Variants in ADGRV1 observed in about 807,000 individuals in gnomAD.
ADGRV1 encodes adhesion G protein-coupled receptor V1.
ADGRV1 carries 359 observed loss-of-function variants against 596.2 expected under a neutral mutation model. The ratio of observed to expected loss-of-function variants is 0.60; its 90% confidence interval spans 0.55 to 0.66. The LOEUF (loss-of-function observed/expected upper bound fraction) is 0.66, where lower values mean the gene tolerates loss of function less well. ADGRV1 is among the 30% of genes least tolerant of loss of function. The pLI is 0.00. For missense variants in ADGRV1, 7,274 were observed against 7,575.6 expected, an observed-to-expected ratio of 0.96 and a Z score of 1.48; for synonymous variants, 2,681 against 2,679.2, an observed-to-expected ratio of 1.00 and a Z score of -0.02.
At chr5:91,021,039 A>G (rs1321698293) in intron 85 of ADGRV1, among the ~76,000 whole-genome samples, 1 of 152,034 alleles carries the variant, frequency 6.6e-6, no homozygotes, top group African/African-American at 2.4e-5. Context: ...AGGCCTTTTT[A>G]TATGTTTTCA....
intron 1 of ADGRV1, among the ~76,000 whole-genome samples, chr5:90,593,298 G>A (rs1002682402): frequency 6.6e-6 from 1 of 152,224 alleles, no homozygotes; most frequent in Non-Finnish European, 1.5e-5. Context: ...CATGTGCTTT[G>A]CAGGGACATG....
chr5:90,854,615 A>G (rs1243293978), intron 81 of ADGRV1, among the ~76,000 whole-genome samples: 1 of 152,226 alleles, frequency 6.6e-6, no homozygotes, highest in Non-Finnish European at 1.5e-5. Context: ...TCTAGTCCAC[A>G]TGGCTTGAAG....
chr5:91,073,333 G>C (rs981411779), intron 86 of ADGRV1, among the ~76,000 whole-genome samples: 1 of 152,088 alleles, frequency 6.6e-6, no homozygotes, highest in African/African-American at 2.4e-5. Flanking sequence ...ATCCCTCTTG[G>C]GCCAATGAGG....
chr5:91,006,106 C>T (rs1370177195), intron 85 of ADGRV1, among the ~76,000 whole-genome samples: 3 of 152,110 alleles, frequency 2.0e-5, no homozygotes, highest in East Asian at 1.9e-4. Context: ...GGATAGACAT[C>T]GCCCATGTTC....
At position 90,781,460 on chromosome 5, in the gene ADGRV1, A is replaced by G. The variant is rs897739305; in HGVS notation, c.13113A>G (p.Gly4371=). The change falls in exon 65 of 90, where the codon GGA becomes GGG. Residue 4371 remains glycine (G), a synonymous_variant. Coordinates refer to ENST00000405460, the MANE Select transcript of ADGRV1 (RefSeq NM_032119.4). ...RGYDFTIQEN[G]LQIDQPPEIG... is the part of the protein sequence containing the mutation. ...ATGATTTTACCATTCAAGAAAATGGACTTCAGATAGATCAACCTCCTGAAA... is the reference window on the plus strand; with the variant it reads ...ATGATTTTACCATTCAAGAAAATGGGCTTCAGATAGATCAACCTCCTGAAA... 9 of 1,608,296 alleles carry G rather than the reference A, an allele frequency of 5.6e-6. No homozygotes were observed. The East Asian group carries it at 2.0e-4, about 36-fold the overall frequency.
chr5:90,807,640 G>A lies in ADGRV1; in HGVS notation c.14875G>A (p.Val4959Ile), dbSNP rs372932617. 1.9e-6 allele frequency: 3 copies of A among 1,613,260 alleles called. No individual in the cohort carries two copies. Among genetic ancestry groups the A allele is most frequent in the Non-Finnish European group, 2.5e-6 (3 of 1,179,278 alleles). ...TTCCCACGGTGAACAAAGGAAAGGA[G>A]TTTTCCTGTGGACGTTTCCTAGCCC... ...SFSHGEQRKG[V>I]FLWTFPSPGW... is the part of the protein sequence containing the mutation. The change falls in exon 73 of 90, where the codon GTT becomes ATT. Residue 4959 changes from valine to isoleucine, a missense_variant. Val to Ile is a conservative substitution (Grantham distance 29). Around this residue, in one of 5 missense-constraint regions of ADGRV1, gnomAD observed 1,874 missense variants for 1,970.2 expected, o/e 0.95. Coordinates refer to ENST00000405460, the MANE Select transcript of ADGRV1 (RefSeq NM_032119.4).
intron 86 of ADGRV1, among the ~76,000 whole-genome samples, chr5:91,081,215 A>C (rs1789343906): frequency 6.6e-6 from 1 of 152,088 alleles, no homozygotes; most frequent in Admixed American, 6.6e-5. Flanking sequence ...CTCCACCTTC[A>C]TGAGATTATT....
chr5:90,767,290 T>C (rs1277209506), intron 59 of ADGRV1, among the ~76,000 whole-genome samples: 1 of 152,230 alleles, frequency 6.6e-6, no homozygotes, highest in East Asian at 1.9e-4. Flanking sequence ...TTTAGAATCA[T>C]GTTTGATTCT....
intron 84 of ADGRV1, among the ~76,000 whole-genome samples, chr5:90,981,814 A>G (rs1780098804): frequency 6.6e-6 from 1 of 152,268 alleles, no homozygotes. Flanking sequence ...GCTGTACAGA[A>G]GTGCACAGGG....
Position 90,684,009 on chromosome 5 carries a change from A to G in ADGRV1, c.6088A>G (p.Asn2030Asp). ...DMEKPPYFPP[N>D]LARATQGRDY... Reference sequence around the variant, plus strand: ...GGAAAAACCACCTTATTTTCCACCTAATTTAGCGAGAGCAACTCAAGGAAG... The same window carrying G: ...GGAAAAACCACCTTATTTTCCACCTGATTTAGCGAGAGCAACTCAAGGAAG... Residue 2030 changes from asparagine to aspartate, a missense_variant, in exon 28 of 90, where the codon AAT becomes GAT. Physicochemically the swap from Asn to Asp is conservative, Grantham distance 23. Around this residue, in one of 5 missense-constraint regions of ADGRV1, gnomAD observed 3,643 missense variants for 3,809.2 expected, o/e 0.96. Transcript: ENST00000405460. 1.2e-6 allele frequency: 2 copies of G among 1,613,868 alleles called. No individual in the cohort carries two copies. Among genetic ancestry groups the G allele is most frequent in the South Asian group, 1.1e-5 (1 of 91,078 alleles).
chr5:91,055,973 C>T (rs1445716448), intron 85 of ADGRV1, among the ~76,000 whole-genome samples: 1 of 152,126 alleles, frequency 6.6e-6, no homozygotes, highest in Admixed American at 6.5e-5. Flanking sequence ...ATTTGATGAA[C>T]TGTTGGAAAG....
rs1393570476 is a variant in ADGRV1 at position 90,970,946 on chromosome 5, A to G, written c.17973+5415A>G. ...AGTTTGAACCCATCGCAAAGAAGCTAAAAACCTTGAAAAAAGATTTGACAA... is the reference window on the plus strand; with the variant it reads ...AGTTTGAACCCATCGCAAAGAAGCTGAAAACCTTGAAAAAAGATTTGACAA... On this transcript the variant is annotated intron_variant, in intron 84 of 89. Coordinates refer to ENST00000405460, the MANE Select transcript of ADGRV1 (RefSeq NM_032119.4). Among the ~76,000 whole-genome samples the G allele has an allele frequency of 2.0e-5, 3 of 152,166 alleles. No homozygotes were observed. The East Asian group carries it at 5.8e-4, about 29-fold the overall frequency.
intron 29 of ADGRV1, 34 bp downstream of exon 29, chr5:90,686,029 G>C (rs1745583853): frequency 1.4e-6 from 2 of 1,384,250 alleles, no homozygotes; most frequent in Non-Finnish European, 2.0e-6. Flanking sequence ...AGTACATACA[G>C]AGGGATGTAA....
At chr5:90,863,693 G>A (rs1767818364) in intron 82 of ADGRV1, 64 bp from the exon 83 acceptor site, 5 of 1,199,274 alleles carry the variant, frequency 4.2e-6, no homozygotes, top group Non-Finnish European at 6.2e-6. Flanking sequence ...AAAGATTCTT[G>A]CTATGATGCT....
At chr5:91,069,385 G>A (rs896109162) in intron 85 of ADGRV1, among the ~76,000 whole-genome samples, 1 of 152,066 alleles carries the variant, frequency 6.6e-6, no homozygotes, top group African/African-American at 2.4e-5. Flanking sequence ...TATCCAGAAT[G>A]TATGAGGAAC....
intron 83 of ADGRV1, among the ~76,000 whole-genome samples, chr5:90,951,678 CAT>C (rs1777072581): frequency 6.6e-6 from 1 of 151,996 alleles, no homozygotes; most frequent in South Asian, 2.1e-4. Flanking sequence ...AATTTTAAAT[CAT>C]AGGTTTGTAA....
intron 83 of ADGRV1, among the ~76,000 whole-genome samples, chr5:90,881,219 G>C (rs1189967626): frequency 6.6e-6 from 1 of 152,096 alleles, no homozygotes; most frequent in East Asian, 1.9e-4. Flanking sequence ...CTCCACCTGT[G>C]CAATTTTTGA....
chr5:90,690,697 C>T (rs1746354941), intron 30 of ADGRV1, 100 bp from the exon 31 acceptor site: 4 of 1,216,316 alleles, frequency 3.3e-6, no homozygotes, highest in Non-Finnish European at 4.6e-6. Flanking sequence ...ACTTAGATTG[C>T]TTAGGGGGGA....
chr5:90,849,318 A>T (rs972467087), intron 79 of ADGRV1, among the ~76,000 whole-genome samples: 1 of 152,188 alleles, frequency 6.6e-6, no homozygotes, highest in Admixed American at 6.5e-5. Flanking sequence ...TATTAACTAC[A>T]TAATTAATTT....
Sources: gnomAD v4.1 joint callset for allele counts (sites outside exome capture counted in the v4.1 genomes callset) on GRCh38, gnomAD v4.1.1 for gene constraint, gnomAD v4.1.1 regional missense constraint, MANE v1.5 for transcripts, NCBI Gene and HGNC (gene_info 2026-07-23, HGNC 2026-07-21) for gene names.